GRIK2: variants seen among roughly 807,000 people sequenced by gnomAD.
GRIK2 encodes the protein glutamate receptor ionotropic, kainate 2.
In GRIK2, 32 loss-of-function variants were observed where a neutral mutation model predicts 100.3. That is an observed-to-expected ratio of 0.32 (90% CI 0.24 to 0.43). The LOEUF is 0.43. Ranked by LOEUF, GRIK2 falls within the 20% of genes least tolerant of loss-of-function variation. GRIK2 has a pLI of 1.00. For missense variants in GRIK2, 843 were observed against 1,114.9 expected, an observed-to-expected ratio of 0.76 and a Z score of 3.47; for synonymous variants, 417 against 389.4, an observed-to-expected ratio of 1.07 and a Z score of -0.83.
chr6:101,811,623 T>C (rs558948715), intron 9 of GRIK2, among the ~76,000 whole-genome samples: 2 of 152,078 alleles, frequency 1.3e-5, no homozygotes, highest in South Asian at 4.1e-4. Flanking sequence ...ATCAAGCAAA[T>C]TATTTCCATA....
intron 12 of GRIK2, among the ~76,000 whole-genome samples, chr6:101,900,518 A>G (rs892104911): frequency 6.6e-5 from 10 of 152,176 alleles, no homozygotes; most frequent in Admixed American, 6.6e-4. Flanking sequence ...AAAGTAATAC[A>G]TGATTTCCAA....
At chr6:101,943,391 T>C (rs998109813) in intron 14 of GRIK2, among the ~76,000 whole-genome samples, 1 of 152,166 alleles carries the variant, frequency 6.6e-6, no homozygotes, top group African/African-American at 2.4e-5. Flanking sequence ...ACTGGGGCAC[T>C]GCCTAATGGA....
chr6:101,664,903 C>T (rs937549554), intron 4 of GRIK2, among the ~76,000 whole-genome samples: 1 of 152,158 alleles, frequency 6.6e-6, no homozygotes, highest in African/African-American at 2.4e-5. Flanking sequence ...AACAAAAAAT[C>T]AGTTCTTGTG....
chr6:101,715,508 A>T (rs1172581907), intron 7 of GRIK2, among the ~76,000 whole-genome samples: 1 of 151,806 alleles, frequency 6.6e-6, no homozygotes, highest in African/African-American at 2.4e-5. Context: ...AACAGCACAG[A>T]CACATAAACT....
At chr6:102,063,869 C>T in intron 16 of GRIK2, 1 of 615,038 alleles carries the variant, frequency 1.6e-6, no homozygotes, top group South Asian at 2.1e-5. Context: ...TATAAATTGA[C>T]TAATTAAATA....
intron 7 of GRIK2, among the ~76,000 whole-genome samples, chr6:101,695,013 A>G (rs1229663467): frequency 6.0e-5 from 9 of 150,454 alleles, no homozygotes; most frequent in Admixed American, 2.0e-4. Flanking sequence ...ATAAAAATAT[A>G]TAATTCTTAT....
At chr6:101,867,524 T>C (rs1206953661) in intron 11 of GRIK2, among the ~76,000 whole-genome samples, 1 of 151,828 alleles carries the variant, frequency 6.6e-6, no homozygotes, top group Non-Finnish European at 1.5e-5. Flanking sequence ...ATTTATGCTA[T>C]ACTAGATTAT....
intron 2 of GRIK2, among the ~76,000 whole-genome samples, chr6:101,497,700 T>A (rs556115116): frequency 6.6e-6 from 1 of 152,298 alleles, no homozygotes; most frequent in Non-Finnish European, 1.5e-5. Flanking sequence ...ATCATATGCT[T>A]ACCTTCATAG....
chr6:101,653,555 C>G (rs1227486452), intron 4 of GRIK2, among the ~76,000 whole-genome samples: 2 of 152,146 alleles, frequency 1.3e-5, no homozygotes, highest in Non-Finnish European at 2.9e-5. Flanking sequence ...TTTTTCTACT[C>G]TTTCAAGAGT....
chr6:101,985,987 T>C (rs1422676806), intron 14 of GRIK2, among the ~76,000 whole-genome samples: 1 of 151,860 alleles, frequency 6.6e-6, no homozygotes, highest in Non-Finnish European at 1.5e-5. Flanking sequence ...CCTGATGCTA[T>C]TAAAAAGTAT....
At chr6:101,473,831 G>C (rs534447000) in intron 2 of GRIK2, among the ~76,000 whole-genome samples, 1 of 151,856 alleles carries the variant, frequency 6.6e-6, no homozygotes, top group Non-Finnish European at 1.5e-5. Context: ...TAAATAGAAG[G>C]CACAAAAAAT....
At chr6:101,422,528 C>T (rs1776458682) in intron 2 of GRIK2, among the ~76,000 whole-genome samples, 1 of 152,064 alleles carries the variant, frequency 6.6e-6, no homozygotes, top group African/African-American at 2.4e-5. Flanking sequence ...TGTTTAACAG[C>T]TTTGTGACCT....
chr6:101,556,340 T>TA (rs1194054640), intron 2 of GRIK2, among the ~76,000 whole-genome samples: 1 of 95,532 alleles, frequency 1.0e-5, no homozygotes, highest in Non-Finnish European at 2.1e-5. Flanking sequence ...TTTTTTTTTT[T>TA]TTTTTTTTTT....
At chr6:101,897,453 C>A (rs867513330) in intron 12 of GRIK2, among the ~76,000 whole-genome samples, 10 of 151,652 alleles carry the variant, frequency 6.6e-5, no homozygotes, top group African/African-American at 2.2e-4. Context: ...TGGTAATTCT[C>A]AAAACAAAAT....
At chr6:101,659,928 G>A (rs1769485641) in intron 4 of GRIK2, among the ~76,000 whole-genome samples, 1 of 152,048 alleles carries the variant, frequency 6.6e-6, no homozygotes, top group South Asian at 2.1e-4. Flanking sequence ...CAACCTTGGT[G>A]AATCTGACGA....
chr6:101,865,092 G>A (rs1784968105), intron 11 of GRIK2, among the ~76,000 whole-genome samples: 1 of 152,168 alleles, frequency 6.6e-6, no homozygotes, highest in South Asian at 2.1e-4. Context: ...TGAAATTTGA[G>A]AAGTAAACAA....
At chr6:101,637,014 A>C (rs2518315) in intron 4 of GRIK2, among the ~76,000 whole-genome samples, 55,814 of 151,662 alleles carry the variant, frequency 0.37, 11,303 homozygotes, top group African/African-American at 0.55. Flanking sequence ...AATAAAAATT[A>C]TTTTGCTTTG....
chr6:101,813,484 A>C (rs1221670827), intron 9 of GRIK2, among the ~76,000 whole-genome samples: 1 of 152,230 alleles, frequency 6.6e-6, no homozygotes, highest in Non-Finnish European at 1.5e-5. Context: ...GTGAAAAGCA[A>C]ATACTCAGAA....
intron 3 of GRIK2, among the ~76,000 whole-genome samples, chr6:101,625,452 A>AT (rs71028080): frequency 1.5e-4 from 22 of 151,358 alleles, no homozygotes; most frequent in African/African-American, 2.4e-4. Context: ...GGAAGCTTCT[A>AT]TTTTTTTTCT....
Sources: allele counts gnomAD v4.1 joint callset (sites outside exome capture counted in the v4.1 genomes callset), GRCh38; gene constraint gnomAD v4.1.1; transcripts MANE v1.5; gene names NCBI Gene and HGNC (gene_info 2026-07-23, HGNC 2026-07-21).